TMEM135: variants seen among roughly 807,000 people sequenced by gnomAD.
The protein encoded by TMEM135 is peroxisomal membrane protein 52.
TMEM135 carries 30 observed loss-of-function variants against 60.3 expected under a neutral mutation model. That is an observed-to-expected ratio of 0.50 (90% CI 0.37 to 0.68). The LOEUF is 0.68. TMEM135 is among the 30% of genes least tolerant of loss of function. The pLI is 0.00. For synonymous variants in TMEM135, 190 were observed against 186.7 expected (o/e 1.02, Z -0.14); for missense variants, 468 against 548.8 (o/e 0.85, Z 1.47).
chr11:87,162,455 A>T (rs150495712), intron 5 of TMEM135, among the ~76,000 whole-genome samples: 2,821 of 152,140 alleles, frequency 0.019, 80 homozygotes, highest in East Asian at 0.073. Context: ...CCCATTTATG[A>T]GTGAGAACAT....
rs1941004942 is a variant in TMEM135 at position 87,236,729 on chromosome 11, C to T, written c.509+45C>T. 10 of 1,549,252 alleles carry T rather than the reference C, an allele frequency of 6.5e-6. No homozygotes were observed. The East Asian group carries it at 2.2e-4, about 35-fold the overall frequency. On this transcript the variant is annotated intron_variant, in intron 6 of 14. Coordinates refer to ENST00000305494, the MANE Select transcript of TMEM135 (RefSeq NM_022918.4). Reference sequence around the variant, plus strand: ...TTTACTTTAATACCCCAAACAGTATCTCTTTGTAATTTCATCAACCACGAA... The same window carrying T: ...TTTACTTTAATACCCCAAACAGTATTTCTTTGTAATTTCATCAACCACGAA...
intron 4 of TMEM135, among the ~76,000 whole-genome samples, chr11:87,147,238 G>A (rs1389076818): frequency 6.6e-6 from 1 of 152,106 alleles, no homozygotes; most frequent in African/African-American, 2.4e-5. Context: ...CACAAGAATC[G>A]CTTGAACCTG....
At chr11:87,069,887 T>A (rs1856742351) in intron 2 of TMEM135, among the ~76,000 whole-genome samples, 1 of 152,132 alleles carries the variant, frequency 6.6e-6, no homozygotes, top group Non-Finnish European at 1.5e-5. Flanking sequence ...AGAAATTATT[T>A]CAGGCCAGGT....
intron 5 of TMEM135, among the ~76,000 whole-genome samples, chr11:87,223,782 A>G (rs1159322039): frequency 1.3e-5 from 2 of 151,238 alleles, no homozygotes; most frequent in African/African-American, 4.9e-5. Context: ...CTTGGGAGGC[A>G]GAGGTTGCAG....
intron 6 of TMEM135, among the ~76,000 whole-genome samples, chr11:87,281,019 A>G (rs1244682379): frequency 2.0e-5 from 3 of 152,232 alleles, no homozygotes; most frequent in African/African-American, 4.8e-5. Context: ...AATTAAGAAA[A>G]GACTGGAAGC....
Position 87,325,247 on chromosome 11 carries a change from A to G in TMEM135, c.*3914A>G. 1 of 454,104 alleles carries G rather than the reference A, an allele frequency of 2.2e-6. No individual in the cohort carries two copies. Among genetic ancestry groups the G allele is most frequent in the South Asian group, 1.6e-5 (1 of 64,482 alleles). 28.1% of individuals were successfully genotyped at this position (454,104 alleles called of 1,614,324 possible). ...GTAGTTGCAAAAAGGGTAACTACAA[A>G]GAAATGAAACTGACTCTAGTGTGTG... On this transcript the variant is annotated 3_prime_UTR_variant, in exon 15 of 15. Coordinates refer to ENST00000305494, the MANE Select transcript of TMEM135 (RefSeq NM_022918.4).
In TMEM135 at chr11:87,218,340, A is replaced by T. The variant is rs767950535; in HGVS notation, c.463-18298A>T. Among the ~76,000 whole-genome samples the T allele has an allele frequency of 4.3e-4, 65 of 152,274 alleles. No homozygotes were observed. In the Middle Eastern group the frequency reaches 0.014, roughly 32 times the overall value. Reference sequence around the variant, plus strand: ...GATAATACTGGCCTTTGGCAAAGGTATGAAGTAGGAAACACTTACTTTGAA... The same window carrying T: ...GATAATACTGGCCTTTGGCAAAGGTTTGAAGTAGGAAACACTTACTTTGAA... On this transcript the variant is annotated intron_variant, in intron 5 of 14. Coordinates refer to ENST00000305494, the MANE Select transcript of TMEM135 (RefSeq NM_022918.4).
At chr11:87,281,633 T>TA (rs1565154963) in intron 6 of TMEM135, among the ~76,000 whole-genome samples, 1 of 152,246 alleles carries the variant, frequency 6.6e-6, no homozygotes, top group Non-Finnish European at 1.5e-5. Context: ...TAGACTGTGT[T>TA]ATTGTTCAAA....
In TMEM135 at chr11:87,327,475, C is replaced by G; in HGVS notation, c.*6142C>G. 2 of 453,960 alleles carry G rather than the reference C, an allele frequency of 4.4e-6. No individual in the cohort carries two copies. The highest frequency in any genetic ancestry group is 8.8e-6 in the Non-Finnish European group (2 of 226,768). The allele number at this position is 453,960 out of a possible 1,614,324, so 28.1% of individuals were successfully genotyped here. A position where few individuals can be genotyped will look rare whatever the true frequency, so the allele number is the denominator to read the frequency against. ...AAATAAACCTCTATTTCTTAAAGTTCTGTATCAGTCAGGGTTTCCCAGAGA... is the reference window on the plus strand; with the variant it reads ...AAATAAACCTCTATTTCTTAAAGTTGTGTATCAGTCAGGGTTTCCCAGAGA... On this transcript the variant is annotated 3_prime_UTR_variant, in exon 15 of 15. Transcript: ENST00000305494.
At chr11:87,285,275 A>C (rs528072623) in intron 6 of TMEM135, among the ~76,000 whole-genome samples, 2 of 152,352 alleles carry the variant, frequency 1.3e-5, no homozygotes, top group East Asian at 3.9e-4. Flanking sequence ...GTGGGTTTTT[A>C]AAAACAGAAT....
intron 5 of TMEM135, among the ~76,000 whole-genome samples, chr11:87,225,429 AATT>A (rs943087621): frequency 1.3e-5 from 2 of 151,994 alleles, no homozygotes; most frequent in Non-Finnish European, 2.9e-5. Flanking sequence ...ATTACTCTAT[AATT>A]ATTATTATTA....
intron 4 of TMEM135, among the ~76,000 whole-genome samples, chr11:87,135,613 A>G (rs1424149263): frequency 6.6e-6 from 1 of 151,376 alleles, no homozygotes; most frequent in Non-Finnish European, 1.5e-5. Flanking sequence ...CTATGTTTAA[A>G]CCCAAACCAT....
intron 5 of TMEM135, among the ~76,000 whole-genome samples, chr11:87,177,909 TA>T (rs915251237): frequency 6.6e-6 from 1 of 152,146 alleles, no homozygotes; most frequent in Non-Finnish European, 1.5e-5. Context: ...CAGAGCTCAC[TA>T]AAAATGTTAT....
intron 4 of TMEM135, among the ~76,000 whole-genome samples, chr11:87,094,140 ACT>A (rs1857270730): frequency 6.6e-6 from 1 of 152,038 alleles, no homozygotes; most frequent in African/African-American, 2.4e-5. Context: ...AAAATAATAG[ACT>A]CTGGGTTTTT....
chr11:87,114,337 A>G (rs2445557), intron 4 of TMEM135, among the ~76,000 whole-genome samples: 61,970 of 151,892 alleles, frequency 0.41, 13,814 homozygotes, highest in East Asian at 0.65. Flanking sequence ...TTCAAAAAAA[A>G]TGTAGATATC....
chr11:87,183,196 G>A (rs903980667), intron 5 of TMEM135, among the ~76,000 whole-genome samples: 2 of 140,746 alleles, frequency 1.4e-5, no homozygotes, highest in African/African-American at 5.3e-5. Context: ...AGGCTGGAGT[G>A]CAGTGGCTCA....
intron 4 of TMEM135, among the ~76,000 whole-genome samples, chr11:87,144,155 AAATT>A (rs1938340959): frequency 6.6e-6 from 1 of 152,178 alleles, no homozygotes; most frequent in Non-Finnish European, 1.5e-5. Context: ...AAAACTACAG[AAATT>A]ATTAGTAGAG....
chr11:87,118,833 C>T (rs376908092), intron 4 of TMEM135, among the ~76,000 whole-genome samples: 13 of 152,280 alleles, frequency 8.5e-5, no homozygotes, highest in African/African-American at 1.4e-4. Context: ...ATGAACCCAC[C>T]TCTGCTAGCT....
intron 4 of TMEM135, among the ~76,000 whole-genome samples, chr11:87,111,372 G>T (rs1781595482): frequency 6.6e-6 from 1 of 152,006 alleles, no homozygotes; most frequent in Admixed American, 6.6e-5. Flanking sequence ...TCCTAGCCTG[G>T]CGCTGTGGCT....
Sources: allele counts gnomAD v4.1 joint callset (sites outside exome capture counted in the v4.1 genomes callset), GRCh38; gene constraint gnomAD v4.1.1; transcripts MANE v1.5; gene names NCBI Gene and HGNC (gene_info 2026-07-23, HGNC 2026-07-21).